The following NUP188 variants were observed in gnomAD, a reference collection of about 807,000 sequenced individuals.
The protein encoded by NUP188 is nucleoporin NUP188.
NUP188 carries 97 observed loss-of-function variants against 223.0 expected under a neutral mutation model. The ratio of observed to expected loss-of-function variants is 0.43; its 90% CI spans 0.37 to 0.51. NUP188 has a LOEUF of 0.51. Among genes scored for constraint, NUP188 ranks in the 20% least tolerant of loss-of-function variants. The probability of loss-of-function intolerance (pLI) is 0.00; values close to 1 mark genes in which losing one functional copy is unlikely to be tolerated. For synonymous variants in NUP188, 869 were observed against 828.0 expected (o/e 1.05, Z -0.85); for missense variants, 1,947 against 2,175.6 (o/e 0.89, Z 2.09).
chr9:128,948,121 T>G, intron 1 of NUP188: 2 of 193,206 alleles, frequency 1.0e-5, no homozygotes, highest in East Asian at 1.1e-4. Context: ...TCTCCTGGGG[T>G]ACCCCCCACC....
rs1470646689 is a variant in NUP188, at chr9:129,005,740, G to C, written c.4833G>C (p.Leu1611=). 2 of 1,613,892 alleles carry C rather than the reference G, an allele frequency of 1.2e-6. No individual in the cohort carries two copies. Among genetic ancestry groups the C allele is most frequent in the Admixed American group, 3.3e-5 (2 of 59,982 alleles). ...SEVAPSFGTL[L]ATVNVALNML... ...TGGCCCCCTCCTTCGGGACCCTTCT[G>C]GCCACAGTGAATGTGGCCCTCAACA... The change falls in exon 41 of 44, where the codon CTG becomes CTC. Residue 1611 remains leucine (L), a synonymous_variant. Transcript: ENST00000372577.
At chr9:128,980,836 G>A in intron 14 of NUP188, 111 bp downstream of exon 14, 1 of 1,128,058 alleles carries the variant, frequency 8.9e-7, no homozygotes, top group Non-Finnish European at 1.3e-6. Context: ...ACAAAAGTTT[G>A]TCTGAAGGTG....
At chr9:128,983,452 A>G in intron 18 of NUP188, 22 bp from the exon 19 acceptor site, 1 of 1,613,426 alleles carries the variant, frequency 6.2e-7, no homozygotes, top group Non-Finnish European at 8.5e-7. Flanking sequence ...GTGGGCATTT[A>G]ACTCTTCCTT....
Position 129,005,971 on chromosome 9 carries a change from C to T in NUP188, c.4870-79C>T, listed in dbSNP as rs1304889310. 1.3e-5 allele frequency: 19 copies of T among 1,511,146 alleles called. No individual in the cohort carries two copies. The Admixed American group carries it at 2.6e-4, about 20-fold the overall frequency. The allele number at this position is 1,511,146 out of a possible 1,614,324, so 93.6% of individuals were successfully genotyped here. On this transcript the variant is annotated intron_variant, in intron 41 of 43. Coordinates refer to ENST00000372577, the MANE Select transcript of NUP188 (RefSeq NM_015354.3). ...GGTAACTGATTAAATTTGCTTAGTGCAGGACATGCAAGTAGGAAGCTCTCA... is the reference window on the plus strand; with the variant it reads ...GGTAACTGATTAAATTTGCTTAGTGTAGGACATGCAAGTAGGAAGCTCTCA...
At chr9:128,986,130 A>G (rs1188646163) in intron 20 of NUP188, among the ~76,000 whole-genome samples, 3 of 152,208 alleles carry the variant, frequency 2.0e-5, no homozygotes, top group Non-Finnish European at 4.4e-5. Context: ...GAAGGATGCT[A>G]CAGTTAACAG....
rs763118152 is a variant in NUP188, at chr9:128,993,186, G to A, written c.2641-11G>A. ...CAGAGCTCTAAGCCTGTGTGTTCCG[G>A]TCTCCACCAGGTGGCCCCAATGTCA... On this transcript the variant is annotated splice_polypyrimidine_tract_variant and intron_variant, in intron 25 of 43. Coordinates refer to ENST00000372577, the MANE Select transcript of NUP188 (RefSeq NM_015354.3). 2 of 1,611,754 alleles carry A rather than the reference G, an allele frequency of 1.2e-6. No homozygotes were observed. Among genetic ancestry groups the A allele is most frequent in the Non-Finnish European group, 1.7e-6 (2 of 1,178,034 alleles).
chr9:128,986,533 G>A, intron 20 of NUP188, 25 bp from the exon 21 acceptor site: 1 of 1,607,068 alleles, frequency 6.2e-7, no homozygotes, highest in Non-Finnish European at 8.5e-7. Flanking sequence ...ATGTGCGGAA[G>A]TCCTCACTGC....
At chr9:128,986,046 G>GA (rs776457710) in intron 20 of NUP188, among the ~76,000 whole-genome samples, 89 of 151,140 alleles carry the variant, frequency 5.9e-4, no homozygotes, top group South Asian at 1.0e-3. Context: ...TCTTGGGGGC[G>GA]AAAAAAAAGA....
intron 11 of NUP188, among the ~76,000 whole-genome samples, chr9:128,972,602 T>C (rs766290913): frequency 6.6e-6 from 1 of 152,224 alleles, no homozygotes; most frequent in Admixed American, 6.5e-5. Context: ...CTGTGGACTT[T>C]GGGTGATAAT....
chr9:128,996,213 G>A (rs946156178), intron 30 of NUP188, among the ~76,000 whole-genome samples: 45 of 151,424 alleles, frequency 3.0e-4, no homozygotes, highest in Non-Finnish European at 8.8e-5. Context: ...GCAGTGGTGC[G>A]ATCTTGGCTT....
intron 8 of NUP188, among the ~76,000 whole-genome samples, chr9:128,963,817 T>G (rs1363007449): frequency 6.6e-6 from 1 of 151,062 alleles, no homozygotes; most frequent in Non-Finnish European, 1.5e-5. Context: ...ATTGTGGGTT[T>G]TTTTTTTTTT....
At chr9:128,984,833 CTA>C in intron 19 of NUP188, 65 bp from the exon 20 acceptor site, 1 of 1,044,442 alleles carries the variant, frequency 9.6e-7, no homozygotes, top group Non-Finnish European at 1.5e-6. Flanking sequence ...CAAGAATGCT[CTA>C]TGATTAGTTT....
In NUP188 at chr9:129,001,584, G is replaced by A. The variant is rs754696338; in HGVS notation, c.3899G>A (p.Gly1300Asp). The A allele has an allele frequency of 6.2e-7, 1 of 1,614,038 alleles. No individual in the cohort carries two copies. The highest frequency in any genetic ancestry group is 2.2e-5 in the East Asian group (1 of 44,882). ...AKELCEVDEDGDSWLQVTRRL... is the reference protein window; with the variant it reads ...AKELCEVDEDDDSWLQVTRRL... ...GAGCTGTGTGAGGTAGACGAGGATG[G>A]TGACTCCTGGCTGCAGGTAACCCGC... Residue 1300 changes from glycine to aspartate, a missense_variant, in exon 35 of 44, where the codon GGT becomes GAT. Gly to Asp is a moderately conservative substitution (Grantham distance 94). Transcript: ENST00000372577.
intron 27 of NUP188, 67 bp from the exon 28 acceptor site, chr9:128,994,306 T>A: frequency 9.3e-7 from 1 of 1,076,796 alleles, no homozygotes. Flanking sequence ...CAAAGGGAGC[T>A]TGAGAGAGGA....
In NUP188 at chr9:129,002,852, C is replaced by G; in HGVS notation, c.4173C>G (p.Pro1391=). The G allele has an allele frequency of 6.2e-7, 1 of 1,614,226 alleles. No homozygotes were observed. Among genetic ancestry groups the G allele is most frequent in the South Asian group, 1.1e-5 (1 of 91,086 alleles). The change falls in exon 37 of 44, where the codon CCC becomes CCG. Residue 1391 remains proline (P), a synonymous_variant. Transcript: ENST00000372577. ...CCTCTCGGAAGTCCCTGGATGCCCC[C>G]TCTTGGCCAGGAGTCTACCGCCTGT... is the stretch of plus-strand genomic sequence containing the variant. ...PSASRKSLDA[P]SWPGVYRLSM...
chr9:128,986,889 G>T lies in NUP188; in HGVS notation c.2264+14G>T. On this transcript the variant is annotated intron_variant, in intron 22 of 43. Transcript: ENST00000372577. ...CCTGCACAGCAGGTAATGAAGGGTT[G>T]ATTACTAGAGCTTGGTGCTCGCCAA... 6.2e-7 allele frequency: 1 copy of T among 1,611,366 alleles called. No homozygotes were observed. The highest frequency in any genetic ancestry group is 8.5e-7 in the Non-Finnish European group (1 of 1,177,880).
intron 3 of NUP188, 142 bp from the exon 4 acceptor site, chr9:128,956,208 T>TGG (rs1419719056): frequency 6.4e-6 from 3 of 470,654 alleles, no homozygotes; most frequent in Non-Finnish European, 1.1e-5. Flanking sequence ...TGTGTGTGTG[T>TGG]GTGCGTGTGT....
chr9:128,963,155 AT>A (rs1841978728), intron 8 of NUP188, among the ~76,000 whole-genome samples: 2 of 151,812 alleles, frequency 1.3e-5, no homozygotes, highest in Non-Finnish European at 2.9e-5. Flanking sequence ...GCCATTTGTC[AT>A]TTTTGTTTTT....
intron 30 of NUP188, among the ~76,000 whole-genome samples, chr9:128,997,806 C>T (rs532205740): frequency 7.5e-4 from 114 of 152,172 alleles, no homozygotes; most frequent in Non-Finnish European, 1.4e-3. Context: ...CTGCAGCCTC[C>T]GCTTCCTGGG....
Sources: gnomAD v4.1 joint callset for allele counts (sites outside exome capture counted in the v4.1 genomes callset) on GRCh38, gnomAD v4.1.1 for gene constraint, MANE v1.5 for transcripts, NCBI Gene and HGNC (gene_info 2026-07-23, HGNC 2026-07-21) for gene names.